CEP85: variants seen among roughly 807,000 people sequenced by gnomAD.
CEP85 encodes the protein centrosomal protein of 85 kDa.
CEP85 carries 58 observed loss-of-function variants against 93.7 expected under a neutral mutation model. The observed-to-expected ratio is 0.62, with a 90% CI of 0.50 to 0.77. The LOEUF is 0.77. Ranked by LOEUF, CEP85 falls within the 30% of genes least tolerant of loss-of-function variation. The probability of loss-of-function intolerance (pLI) is 0.00; values close to 1 mark genes in which losing one functional copy is unlikely to be tolerated. For missense variants in CEP85, 868 were observed against 922.0 expected (o/e 0.94, Z 0.76); for synonymous variants, 314 against 338.6 (o/e 0.93, Z 0.80).
chr1:26,278,329 C>T lies in CEP85; in HGVS notation c.*1036C>T, dbSNP rs1034986815. On this transcript the variant is annotated 3_prime_UTR_variant, in exon 14 of 14. Transcript: ENST00000451429. ...GGGGCTTTAGTGAGGGACCTTTGCCCTCTGGTTTTTCTTGCCTCCTGGTTT... is the reference window on the plus strand; with the variant it reads ...GGGGCTTTAGTGAGGGACCTTTGCCTTCTGGTTTTTCTTGCCTCCTGGTTT... 1.3e-5 allele frequency: 2 copies of T among 152,626 alleles called. No individual in the cohort carries two copies. The highest frequency in any genetic ancestry group is 1.9e-4 in the East Asian group (1 of 5,202). 9.5% of individuals were successfully genotyped at this position (152,626 alleles called of 1,614,324 possible).
At chr1:26,259,264 C>G (rs1018600242) in intron 6 of CEP85, among the ~76,000 whole-genome samples, 7 of 152,140 alleles carry the variant, frequency 4.6e-5, no homozygotes, top group Admixed American at 4.6e-4. Flanking sequence ...GATGTCTTGT[C>G]CTAGGTTCCT....
chr1:26,245,622 G>GC (rs1569972542), intron 3 of CEP85, among the ~76,000 whole-genome samples: 1 of 152,178 alleles, frequency 6.6e-6, no homozygotes, highest in East Asian at 1.9e-4. Flanking sequence ...GTTCTAGAAG[G>GC]CAGAGAACCT....
In CEP85 at chr1:26,276,772, G is replaced by A; in HGVS notation, c.2128+12G>A. 1 of 1,603,290 alleles carries A rather than the reference G, an allele frequency of 6.2e-7. No individual in the cohort carries two copies. The highest frequency in any genetic ancestry group is 8.5e-7 in the Non-Finnish European group (1 of 1,171,636). The stretch of plus-strand genomic sequence containing the variant: ...CCTGGGCATTCACTGTGAGTCCTCA[G>A]ACCAGTCTGGGGCCCAGGAAGGAGG... On this transcript the variant is annotated intron_variant, in intron 13 of 13. Transcript: ENST00000451429.
intron 6 of CEP85, 54 bp downstream of exon 6, chr1:26,258,314 C>A: frequency 9.1e-7 from 1 of 1,101,142 alleles, no homozygotes; most frequent in Non-Finnish European, 1.4e-6. Flanking sequence ...GGTGTCTTCC[C>A]TATGCTTGAC....
At chr1:26,234,455 A>C (rs934910303) in intron 1 of CEP85, 145 bp downstream of exon 1, 1 of 152,060 alleles carries the variant, frequency 6.6e-6, no homozygotes, top group Non-Finnish European at 1.5e-5. Context: ...CTCCGAAGCC[A>C]GTGCCCCGGC....
intron 4 of CEP85, among the ~76,000 whole-genome samples, chr1:26,256,533 AAAAT>A (rs1431199403): frequency 6.6e-6 from 1 of 152,014 alleles, no homozygotes. Context: ...TCTGTCTCAA[AAAAT>A]AAATAAATAA....
At chr1:26,269,388 C>T in intron 8 of CEP85, 72 bp from the exon 9 acceptor site, 1 of 1,454,284 alleles carries the variant, frequency 6.9e-7, no homozygotes, top group Non-Finnish European at 9.6e-7. Flanking sequence ...TTCTTTGTGA[C>T]ACCGAGGAAC....
chr1:26,261,741 ATTT>A (rs34240339), intron 7 of CEP85, among the ~76,000 whole-genome samples: 46 of 147,168 alleles, frequency 3.1e-4, no homozygotes, highest in Non-Finnish European at 4.5e-4. Flanking sequence ...AAAAAAAAAA[ATTT>A]TTTTTTTCCC....
chr1:26,238,537 T>A (rs1479104545), intron 1 of CEP85, among the ~76,000 whole-genome samples: 1 of 152,034 alleles, frequency 6.6e-6, no homozygotes, highest in Non-Finnish European at 1.5e-5. Flanking sequence ...AAATTTAGAG[T>A]TTCTGAGTTG....
chr1:26,275,839 TA>T (rs1197637722), intron 12 of CEP85, among the ~76,000 whole-genome samples: 1 of 152,036 alleles, frequency 6.6e-6, no homozygotes, highest in African/African-American at 2.4e-5. Context: ...TCAGACTCTA[TA>T]AAAATACAAT....
chr1:26,262,420 G>T (rs762337966), intron 7 of CEP85, among the ~76,000 whole-genome samples: 2 of 152,052 alleles, frequency 1.3e-5, no homozygotes, highest in Non-Finnish European at 2.9e-5. Flanking sequence ...AGATGTTGCA[G>T]TGAGCCGAGA....
At chr1:26,268,730 T>G in intron 8 of CEP85, 95 bp downstream of exon 8, 3 of 1,239,142 alleles carry the variant, frequency 2.4e-6, no homozygotes, top group Non-Finnish European at 3.3e-6. Flanking sequence ...TCCTGTGACT[T>G]GCTGAAAGGA....
Position 26,237,019 on chromosome 1 carries a change from C to A in CEP85, c.-23+2709C>A, listed in dbSNP as rs189989559. Among the ~76,000 whole-genome samples, 298 of 152,230 alleles carry A rather than the reference C, an allele frequency of 2.0e-3. 2 individuals are homozygous for A. The highest frequency in any genetic ancestry group is 6.9e-3 in the African/African-American group (287 of 41,506). ...ATAGATTATAAATGTTTCTTACAGA[C>A]ATCTGTGTTAATGTTAATGCTTTTC... On this transcript the variant is annotated intron_variant, in intron 1 of 13. Coordinates refer to ENST00000451429, the MANE Select transcript of CEP85 (RefSeq NM_001319944.2).
chr1:26,248,598 C>A (rs571371595), intron 3 of CEP85, among the ~76,000 whole-genome samples: 1 of 151,724 alleles, frequency 6.6e-6, no homozygotes, highest in South Asian at 2.1e-4. Flanking sequence ...TGGGTTCAAG[C>A]GATTCTCCTC....
At chr1:26,245,027 G>A (rs1192001021) in intron 3 of CEP85, among the ~76,000 whole-genome samples, 2 of 151,854 alleles carry the variant, frequency 1.3e-5, no homozygotes, top group Admixed American at 6.6e-5. Context: ...AAGTCTGAAC[G>A]TAAAGTCCTG....
chr1:26,256,001 G>A lies in CEP85; in HGVS notation c.903+136G>A, dbSNP rs978916756. 3 of 760,008 alleles carry A rather than the reference G, an allele frequency of 3.9e-6. No individual in the cohort carries two copies. In the African/African-American group the frequency reaches 5.3e-5, roughly 13 times the overall value. The allele number at this position is 760,008 out of a possible 1,614,324, so 47.1% of individuals were successfully genotyped here. On this transcript the variant is annotated intron_variant, in intron 4 of 13. Coordinates refer to ENST00000451429, the MANE Select transcript of CEP85 (RefSeq NM_001319944.2). ...AGATGTTTGTAGACAGGAAATACAG[G>A]CTTGTGAGCTGTTGGCCATTGAATC...
intron 11 of CEP85, among the ~76,000 whole-genome samples, chr1:26,274,362 G>A (rs1037809303): frequency 1.3e-5 from 2 of 152,156 alleles, no homozygotes; most frequent in South Asian, 2.1e-4. Context: ...GTAAGTGCTC[G>A]GTAAATAGTG....
rs530235920 is a variant in CEP85, at chr1:26,241,415, T to A, written c.55+1577T>A. On this transcript the variant is annotated intron_variant, in intron 2 of 13. Coordinates refer to ENST00000451429, the MANE Select transcript of CEP85 (RefSeq NM_001319944.2). ...CCGCCACCATGCCCAGCTAATTTTT[T>A]TGCATTTTTTAATAGAGACGGGGTT... Among the ~76,000 whole-genome samples the A allele has an allele frequency of 1.8e-4, 28 of 152,080 alleles. No individual in the cohort carries two copies. In the South Asian group the frequency reaches 5.4e-3, roughly 29 times the overall value.
chr1:26,263,185 GT>G (rs769787520), intron 7 of CEP85: 6 of 271,948 alleles, frequency 2.2e-5, no homozygotes, highest in Non-Finnish European at 4.4e-5. Context: ...GCTTTCAACA[GT>G]TGTGGTTGGT....
Sources: allele counts gnomAD v4.1 joint callset (sites outside exome capture counted in the v4.1 genomes callset), GRCh38; gene constraint gnomAD v4.1.1; transcripts MANE v1.5; gene names NCBI Gene and HGNC (gene_info 2026-07-23, HGNC 2026-07-21).